Variants in SEMA5A observed in about 807,000 individuals in gnomAD.
SEMA5A encodes the protein semaphorin 5A.
A neutral mutation model predicts 135.5 loss-of-function variants in SEMA5A; 55 were observed. The ratio of observed to expected loss-of-function variants is 0.41; its 90% CI spans 0.33 to 0.51. The LOEUF (loss-of-function observed/expected upper bound fraction) is 0.51. SEMA5A is among the 20% of genes least tolerant of loss of function. The pLI is 0.37. For synonymous variants in SEMA5A, 580 were observed against 546.5 expected (o/e 1.06, Z -0.85); for missense variants, 1,290 against 1,419.9 (o/e 0.91, Z 1.47).
chr5:9,394,667 G>C (rs991909820), intron 2 of SEMA5A, among the ~76,000 whole-genome samples: 1 of 152,146 alleles, frequency 6.6e-6, no homozygotes, highest in Admixed American at 6.5e-5. Context: ...TCATGTCAAC[G>C]AAGTGGAAAT....
rs114516742 is a variant in SEMA5A, at chr5:9,102,114, C to T, written c.2073+6026G>A. Reference sequence around the variant, plus strand: ...CCACGGTTCAAAAATGAGGAAACACCAAATATGAATACAAAGGGAACTAAC... The same window carrying T: ...CCACGGTTCAAAAATGAGGAAACACTAAATATGAATACAAAGGGAACTAAC... On this transcript the variant is annotated intron_variant, in intron 16 of 22. Coordinates refer to ENST00000382496, the MANE Select transcript of SEMA5A (RefSeq NM_003966.3). 1.9e-3 allele frequency among the ~76,000 whole-genome samples: 287 copies of T among 152,210 alleles called. 1 individual carries two copies. Among genetic ancestry groups the T allele is most frequent in the African/African-American group, 4.6e-3 (191 of 41,542 alleles).
At chr5:9,107,005 C>T (rs1292014575) in intron 16 of SEMA5A, among the ~76,000 whole-genome samples, 1 of 152,160 alleles carries the variant, frequency 6.6e-6, no homozygotes, top group East Asian at 1.9e-4. Context: ...TGAGAATTTC[C>T]CAAGGATATC....
At position 9,273,816 on chromosome 5, in the gene SEMA5A, C is replaced by A. The variant is rs7711705; in HGVS notation, c.271-35926G>T. Among the ~76,000 whole-genome samples the A allele has an allele frequency of 9.1e-3, 1,384 of 152,174 alleles. 18 individuals are homozygous for A. The highest frequency in any genetic ancestry group is 0.028 in the African/African-American group (1,156 of 41,530). ...AGAGATTTTGTCACCACCAGGCCTG[C>A]CCTACAAGAGCTCCTGAAGGAAGCA... On this transcript the variant is annotated intron_variant, in intron 5 of 22. Transcript: ENST00000382496.
At chr5:9,244,518 G>A (rs1048522236) in intron 5 of SEMA5A, among the ~76,000 whole-genome samples, 6 of 152,090 alleles carry the variant, frequency 3.9e-5, no homozygotes, top group African/African-American at 1.4e-4. Context: ...CTCCTCGCTG[G>A]ACCCTATGTA....
chr5:9,471,683 AAT>A (rs1759483969), intron 1 of SEMA5A, among the ~76,000 whole-genome samples: 1 of 152,238 alleles, frequency 6.6e-6, no homozygotes, highest in African/African-American at 2.4e-5. Context: ...TTTATAAGTC[AAT>A]GTTTGTTAAG....
At chr5:9,439,068 C>T (rs1758137360) in intron 1 of SEMA5A, among the ~76,000 whole-genome samples, 2 of 152,122 alleles carry the variant, frequency 1.3e-5, no homozygotes, top group South Asian at 2.1e-4. Flanking sequence ...GACATGCCTG[C>T]CTGAGACGCC....
chr5:9,225,483 C>T (rs1021094112), intron 7 of SEMA5A, among the ~76,000 whole-genome samples: 2 of 147,728 alleles, frequency 1.4e-5, no homozygotes, highest in East Asian at 4.0e-4. Flanking sequence ...GCAGGAGAAT[C>T]GCTTGAACCC....
chr5:9,232,984 T>TA (rs1434620611), intron 6 of SEMA5A, among the ~76,000 whole-genome samples: 1 of 152,194 alleles, frequency 6.6e-6, no homozygotes, highest in Non-Finnish European at 1.5e-5. Context: ...ACTAGGAGTT[T>TA]ACCTCTTTAC....
intron 5 of SEMA5A, among the ~76,000 whole-genome samples, chr5:9,304,257 C>A (rs1439949315): frequency 6.6e-6 from 1 of 151,980 alleles, no homozygotes; most frequent in African/African-American, 2.4e-5. Context: ...AACACTTTCT[C>A]TTTGTTAAAC....
intron 11 of SEMA5A, among the ~76,000 whole-genome samples, chr5:9,161,353 G>A (rs536644966): frequency 2.8e-4 from 42 of 152,214 alleles, no homozygotes; most frequent in African/African-American, 9.9e-4. Context: ...GACTAGCACT[G>A]TCCAATGGTG....
intron 2 of SEMA5A, among the ~76,000 whole-genome samples, chr5:9,416,246 T>C (rs1235868840): frequency 6.6e-6 from 1 of 152,144 alleles, no homozygotes; most frequent in Non-Finnish European, 1.5e-5. Context: ...CTAAAACTCA[T>C]TAGTACATAA....
At chr5:9,090,298 C>T (rs969825391) in intron 16 of SEMA5A, among the ~76,000 whole-genome samples, 1 of 152,144 alleles carries the variant, frequency 6.6e-6, no homozygotes, top group African/African-American at 2.4e-5. Context: ...CTCCATTTAC[C>T]CAGTAACCAA....
chr5:9,044,858 C>T (rs1736164609), intron 21 of SEMA5A, among the ~76,000 whole-genome samples: 1 of 152,116 alleles, frequency 6.6e-6, no homozygotes, highest in Admixed American at 6.5e-5. Context: ...GATCTCAGCT[C>T]AACACAACCT....
At chr5:9,080,500 A>C (rs1010493665) in intron 16 of SEMA5A, among the ~76,000 whole-genome samples, 4 of 151,464 alleles carry the variant, frequency 2.6e-5, no homozygotes, top group Admixed American at 1.3e-4. Context: ...TATGTAACAA[A>C]ACTGCACGTT....
intron 21 of SEMA5A, among the ~76,000 whole-genome samples, chr5:9,049,243 C>A (rs548717849): frequency 9.5e-4 from 145 of 152,226 alleles, no homozygotes; most frequent in Non-Finnish European, 1.9e-3. Context: ...CTCACTGCAA[C>A]CTCCACCTCC....
chr5:9,369,340 C>T lies in SEMA5A; in HGVS notation c.124+10483G>A, dbSNP rs1057245645. ...TAATGGTGTCTTCGAAGAGAAAATG[C>T]TTTTCATTTGAATGTGGTCCAATTT... On this transcript the variant is annotated intron_variant, in intron 3 of 22. Coordinates refer to ENST00000382496, the MANE Select transcript of SEMA5A (RefSeq NM_003966.3). Among the ~76,000 whole-genome samples the T allele has an allele frequency of 3.9e-5, 6 of 152,086 alleles. 1 individual carries two copies. Among genetic ancestry groups the T allele is most frequent in the South Asian group, 4.1e-4 (2 of 4,832 alleles).
intron 10 of SEMA5A, 86 bp from the exon 11 acceptor site, chr5:9,190,557 T>G: frequency 7.8e-7 from 1 of 1,284,460 alleles, no homozygotes; most frequent in Non-Finnish European, 1.1e-6. Flanking sequence ...GAAAGTAACT[T>G]GGAAATCAAG....
At chr5:9,239,752 G>A (rs1304660624) in intron 5 of SEMA5A, among the ~76,000 whole-genome samples, 2 of 151,908 alleles carry the variant, frequency 1.3e-5, no homozygotes, top group African/African-American at 4.8e-5. Context: ...AGGAACTGGT[G>A]TTACACAATT....
At chr5:9,073,709 T>A (rs549294725) in intron 16 of SEMA5A, among the ~76,000 whole-genome samples, 65 of 152,246 alleles carry the variant, frequency 4.3e-4, no homozygotes, top group Admixed American at 2.2e-3. Flanking sequence ...GAAACTGTTA[T>A]GGAGTCTACC....
Sources: gnomAD v4.1 joint callset for allele counts (sites outside exome capture counted in the v4.1 genomes callset) on GRCh38, gnomAD v4.1.1 for gene constraint, MANE v1.5 for transcripts, NCBI Gene and HGNC (gene_info 2026-07-23, HGNC 2026-07-21) for gene names.